IFT172: variants seen among roughly 807,000 people sequenced by gnomAD.
IFT172 encodes the protein intraflagellar transport 172, also known as intraflagellar transport protein 172 homolog.
IFT172 carries 164 observed loss-of-function variants against 248.9 expected under a neutral mutation model. That is an observed-to-expected ratio of 0.66 (90% CI 0.58 to 0.75). The LOEUF is 0.75. Ranked by LOEUF, IFT172 falls within the 30% of genes least tolerant of loss-of-function variation. IFT172 has a pLI of 0.00. For missense variants in IFT172, 1,950 were observed against 2,192.4 expected (o/e 0.89, Z 2.21); for synonymous variants, 729 against 791.6 (o/e 0.92, Z 1.33).
chr2:27,467,343 C>A (rs576136682), intron 16 of IFT172, among the ~76,000 whole-genome samples: 9 of 134,040 alleles, frequency 6.7e-5, no homozygotes, highest in Admixed American at 2.6e-4. Flanking sequence ...GAGGCTCAGG[C>A]AGGAGGACTG....
At chr2:27,453,336 A>T (rs764133407) in intron 35 of IFT172, 48 bp downstream of exon 35, 1 of 1,612,002 alleles carries the variant, frequency 6.2e-7, no homozygotes, top group Admixed American at 1.7e-5. Flanking sequence ...CCAAGTGTGA[A>T]TAGAGGCCTA....
At chr2:27,484,047 G>A in intron 4 of IFT172, 110 bp from the exon 5 acceptor site, 1 of 1,267,462 alleles carries the variant, frequency 7.9e-7, no homozygotes, top group East Asian at 2.3e-5. Flanking sequence ...CTATAGGGAA[G>A]GACACAGCAG....
In IFT172 at chr2:27,481,240, C is replaced by T. The variant is rs747654101; in HGVS notation, c.591G>A (p.Pro197=). Reference sequence around the variant, plus strand: ...CCCATGCCAAGGCATAGGGTGGACACGGGTGGTTAACCAACTTCCCCTAAG... The same window carrying T: ...CCCATGCCAAGGCATAGGGTGGACATGGGTGGTTAACCAACTTCCCCTAAG... ...GESQGKLVNH[P]CPPYALAWAT... The change falls in exon 8 of 48, where the codon CCG becomes CCA. Residue 197 remains proline (P), a synonymous_variant. Coordinates refer to ENST00000260570, the MANE Select transcript of IFT172 (RefSeq NM_015662.3). 9.9e-6 allele frequency: 16 copies of T among 1,612,026 alleles called. No individual in the cohort carries two copies. Among genetic ancestry groups the T allele is most frequent in the East Asian group, 4.5e-5 (2 of 44,880 alleles).
rs1668204018 is a variant in IFT172 at position 27,479,526 on chromosome 2, ACGT to A, written c.985_987del (p.Thr329del). 6.2e-7 allele frequency: 1 copy of A among 1,609,188 alleles called. No homozygotes were observed. Among genetic ancestry groups the A allele is most frequent in the Admixed American group, 1.7e-5 (1 of 60,004 alleles). ...CTGCTTACCTGGCTAGGTCCCACAT[ACGT>A]CAACTCAAACTTGTTCTTGTAAATA... On this transcript the variant is annotated inframe_deletion, in exon 10 of 48. Transcript: ENST00000260570.
intron 16 of IFT172, among the ~76,000 whole-genome samples, chr2:27,469,295 AG>A (rs1467665510): frequency 6.6e-6 from 1 of 152,142 alleles, no homozygotes. Flanking sequence ...CAGGACGCTG[AG>A]GTGGGAGAAT....
chr2:27,465,314 G>A (rs1347994593), intron 18 of IFT172, 97 bp downstream of exon 18: 15 of 965,456 alleles, frequency 1.6e-5, no homozygotes, highest in Non-Finnish European at 2.5e-5. Flanking sequence ...AAGGGAGGGA[G>A]TACCTTAACA....
At chr2:27,456,726 C>A (rs1666194748) in intron 29 of IFT172, 73 bp from the exon 30 acceptor site, 3 of 1,558,954 alleles carry the variant, frequency 1.9e-6, no homozygotes, top group African/African-American at 2.7e-5. Context: ...TCGGCTTTGA[C>A]AAGGATCCAG....
At position 27,449,480 on chromosome 2, in the gene IFT172, C is replaced by G; in HGVS notation, c.4224+19G>C. On this transcript the variant is annotated intron_variant, in intron 38 of 47. Transcript: ENST00000260570. The stretch of plus-strand genomic sequence containing the variant: ...GTCTCTCCCTGCATTCTGCCTCCTG[C>G]TAACTCTCCAAGTCTCACCGAGTCC... 6.2e-7 allele frequency: 1 copy of G among 1,614,142 alleles called. No individual in the cohort carries two copies. Among genetic ancestry groups the G allele is most frequent in the Non-Finnish European group, 8.5e-7 (1 of 1,180,016 alleles).
At chr2:27,482,029 G>A (rs115961201) in intron 7 of IFT172, among the ~76,000 whole-genome samples, 4,514 of 151,354 alleles carry the variant, frequency 0.03, 86 homozygotes, top group Middle Eastern at 0.052. Context: ...TGTCGCCGGG[G>A]CTGCAGTGCA....
rs1161494896 is a variant in IFT172, at chr2:27,485,457, G to A, written c.86C>T (p.Ala29Val). The change falls in exon 2 of 48, where the codon GCC (alanine) becomes GTC (valine). Residue 29 changes from alanine (A) to valine (V), a missense_variant. Physicochemically the swap from Ala to Val is moderately conservative, Grantham distance 64. Coordinates refer to ENST00000260570, the MANE Select transcript of IFT172 (RefSeq NM_015662.3). ...VTCMAWSQNNAKFAVCTVDRV... is the reference protein window; with the variant it reads ...VTCMAWSQNNVKFAVCTVDRV... ...GTCCACTGTGCAGACAGCAAATTTG[G>A]CATTGTTCTGGGACCAAGCCATGCA... is the stretch of plus-strand genomic sequence containing the variant. The A allele has an allele frequency of 1.2e-6, 2 of 1,614,074 alleles. No individual in the cohort carries two copies. The highest frequency in any genetic ancestry group is 1.7e-6 in the Non-Finnish European group (2 of 1,179,964).
rs1487163955 is a variant in IFT172, at chr2:27,445,997, A to C, written c.4756-9T>G. 3 of 1,614,240 alleles carry C rather than the reference A, an allele frequency of 1.9e-6. No individual in the cohort carries two copies. Among genetic ancestry groups the C allele is most frequent in the Non-Finnish European group, 2.5e-6 (3 of 1,180,038 alleles). ...TTATCCCAGCCAACTGCCTGCAGCA[A>C]AGAAGAGTTGCAAATGGGAGTGAAC... On this transcript the variant is annotated splice_polypyrimidine_tract_variant and intron_variant, in intron 43 of 47. Transcript: ENST00000260570. This position sits in a 1 kb window ranked among gnomAD's most constrained non-coding sequence, Gnocchi z 4.4.
intron 24 of IFT172, 86 bp from the exon 25 acceptor site, chr2:27,459,608 C>G: frequency 6.2e-7 from 1 of 1,601,468 alleles, no homozygotes; most frequent in Non-Finnish European, 8.5e-7. Context: ...ACACTTCAAC[C>G]TACATTTTGA....
rs752407974 is a variant in IFT172, at chr2:27,480,014, C to G, written c.909+12G>C. 1.1e-5 allele frequency: 17 copies of G among 1,609,736 alleles called. No individual in the cohort carries two copies. Among genetic ancestry groups the G allele is most frequent in the Non-Finnish European group, 1.4e-5 (17 of 1,178,518 alleles). ...AAGTCACCAATCCAGAAAGGGATTA[C>G]TAGTAACACACCACACAGAGCCGTG... On this transcript the variant is annotated intron_variant, in intron 9 of 47. Transcript: ENST00000260570.
chr2:27,478,120 C>A lies in IFT172; in HGVS notation c.1042G>T (p.Val348Leu), dbSNP rs770074024. Residue 348 changes from valine to leucine, a missense_variant, in exon 11 of 48, where the codon GTG becomes TTG. Physicochemically the swap from Val to Leu is conservative, Grantham distance 32. Coordinates refer to ENST00000260570, the MANE Select transcript of IFT172 (RefSeq NM_015662.3). ...VKNLSSGTRV[V>L]LKSHYGYEVE... Reference sequence around the variant, plus strand: ...TCATAGCCATAGTGTGACTTGAGCACCACTCGGGTTCCTGATGACAGGTTC... The same window carrying A: ...TCATAGCCATAGTGTGACTTGAGCAACACTCGGGTTCCTGATGACAGGTTC... 2 of 1,614,170 alleles carry A rather than the reference C, an allele frequency of 1.2e-6. No individual in the cohort carries two copies. Among genetic ancestry groups the A allele is most frequent in the Non-Finnish European group, 8.5e-7 (1 of 1,180,024 alleles).
At position 27,454,500 on chromosome 2, in the gene IFT172, C is replaced by G. The variant is rs951666237; in HGVS notation, c.3465+67G>C. On this transcript the variant is annotated intron_variant, in intron 31 of 47. Transcript: ENST00000260570. The surrounding 1 kb of genome is among the most constrained non-coding windows in gnomAD (Gnocchi z 4.2). ...GGCATGAGACTGGGGGTCTGCACAC[C>G]CAGCAGCAGTGCACTAGGGGATGGA... 20 of 1,611,100 alleles carry G rather than the reference C, an allele frequency of 1.2e-5. No homozygotes were observed. The African/African-American group carries it at 2.5e-4, about 20-fold the overall frequency.
chr2:27,466,931 C>T (rs1667128939), intron 16 of IFT172, among the ~76,000 whole-genome samples: 1 of 151,964 alleles, frequency 6.6e-6, no homozygotes, highest in African/African-American at 2.4e-5. Flanking sequence ...TGAGAGATCA[C>T]TTGAGCCCAG....
intron 14 of IFT172, chr2:27,475,392 G>C (rs565548481): frequency 3.3e-5 from 5 of 152,276 alleles, no homozygotes; most frequent in Admixed American, 3.3e-4. Flanking sequence ...ATCAATAAGA[G>C]GGAGGATATA....
intron 39 of IFT172, 98 bp downstream of exon 39, chr2:27,449,196 T>A: frequency 1.4e-6 from 2 of 1,479,940 alleles, no homozygotes; most frequent in Non-Finnish European, 1.9e-6. Flanking sequence ...ATCTTTGGGC[T>A]TTGGGTTTTT....
chr2:27,446,326 T>G lies in IFT172; in HGVS notation c.4689A>C (p.Ser1563=), dbSNP rs370933808. Residue 1563 remains serine (S), a synonymous_variant, in exon 43 of 48, where the codon TCA becomes TCC. Coordinates refer to ENST00000260570, the MANE Select transcript of IFT172 (RefSeq NM_015662.3). ...LETVAARLSV[S]LLRHTQLLPV... is the part of the protein sequence containing the mutation. The stretch of plus-strand genomic sequence containing the variant: ...GTAGTAGCTGGGTGTGACGCAAGAG[T>G]GAAACAGAAAGCCTGGCAGCCACGG... 1 of 1,614,160 alleles carries G rather than the reference T, an allele frequency of 6.2e-7. No homozygotes were observed. The highest frequency in any genetic ancestry group is 8.5e-7 in the Non-Finnish European group (1 of 1,180,026).
Sources: gnomAD v4.1 joint callset for allele counts (sites outside exome capture counted in the v4.1 genomes callset) on GRCh38, gnomAD v4.1.1 for gene constraint, Gnocchi (gnomAD v3.1) non-coding constraint, MANE v1.5 for transcripts, NCBI Gene and HGNC (gene_info 2026-07-23, HGNC 2026-07-21) for gene names.